CAP2: variants seen among roughly 807,000 people sequenced by gnomAD.
CAP2 encodes the protein adenylyl cyclase-associated protein 2.
Under a neutral mutation model 57.7 loss-of-function variants are expected in CAP2, and 24 were observed. The ratio of observed to expected loss-of-function variants is 0.42; its 90% CI spans 0.30 to 0.58. The LOEUF (loss-of-function observed/expected upper bound fraction) is 0.58. Among genes scored for constraint, CAP2 ranks in the 20% least tolerant of loss-of-function variants. The probability of loss-of-function intolerance (pLI) is 0.22; values close to 1 mark genes in which losing one functional copy is unlikely to be tolerated. For synonymous variants in CAP2, 194 were observed against 207.2 expected, an observed-to-expected ratio of 0.94 and a Z score of 0.55; for missense variants, 501 against 590.3, an observed-to-expected ratio of 0.85 and a Z score of 1.57.
intron 1 of CAP2, among the ~76,000 whole-genome samples, chr6:17,418,395 A>G (rs765302811): frequency 3.3e-4 from 50 of 152,132 alleles, no homozygotes; most frequent in Non-Finnish European, 6.0e-4. Context: ...GTGATTTTAC[A>G]TGGAGTGACA....
In CAP2 at chr6:17,542,956, A is replaced by C. The variant is rs28360582; in HGVS notation, c.1122A>C (p.Ile374=). 7.0e-3 allele frequency: 11,241 copies of C among 1,613,770 alleles called. 657 individuals are homozygous for C. In the African/African-American group the frequency reaches 0.13, roughly 19 times the overall value. The change falls in exon 10 of 13, where the codon ATA becomes ATC. Residue 374 remains isoleucine (I), a synonymous_variant. Coordinates refer to ENST00000229922, the MANE Select transcript of CAP2 (RefSeq NM_006366.3). ...TAAAAGGGAAAGTAAACTCCATTAT[A>C]ATTGGTAGGGCAGAATTATGGCTCT... ...IQIKGKVNSI[I]IDNCKKLGLV...
intron 4 of CAP2, among the ~76,000 whole-genome samples, chr6:17,479,858 G>T (rs9396777): frequency 3.6e-4 from 55 of 151,638 alleles, no homozygotes; most frequent in African/African-American, 1.2e-3. Flanking sequence ...CTCGTGATCC[G>T]CCCACCTCGG....
rs563682418 is a variant in CAP2 at position 17,507,555 on chromosome 6, A to G, written c.445-86A>G. The G allele has an allele frequency of 4.6e-4, 419 of 910,434 alleles. 5 individuals carry two copies. In the South Asian group the frequency reaches 5.5e-3, roughly 12 times the overall value. 56.4% of individuals were successfully genotyped at this position (910,434 alleles called of 1,614,324 possible). The stretch of plus-strand genomic sequence containing the variant: ...CCCACTTTCAAGTCCACGCGTCTCC[A>G]TTGCTTTTCTTCTTCTTTAAGGCAT... On this transcript the variant is annotated intron_variant, in intron 5 of 12. Coordinates refer to ENST00000229922, the MANE Select transcript of CAP2 (RefSeq NM_006366.3).
chr6:17,448,789 A>T (rs956950168), intron 3 of CAP2, among the ~76,000 whole-genome samples: 2 of 151,290 alleles, frequency 1.3e-5, no homozygotes, highest in African/African-American at 2.4e-5. Flanking sequence ...TTTGAGACAA[A>T]GTCACTCTGT....
chr6:17,461,862 G>A (rs1178252561), intron 3 of CAP2, among the ~76,000 whole-genome samples: 4 of 150,322 alleles, frequency 2.7e-5, no homozygotes, highest in East Asian at 2.0e-4. Context: ...GCGTGGTGGC[G>A]GGCGCCTGTA....
In CAP2 at chr6:17,465,513, C is replaced by T. The variant is rs146037543; in HGVS notation, c.300+2440C>T. Reference sequence around the variant, plus strand: ...TTATGATGCCTACCTCCCTTCCTGGCCCTTCTCTCTACTTCCCTTTCCTCT... The same window carrying T: ...TTATGATGCCTACCTCCCTTCCTGGTCCTTCTCTCTACTTCCCTTTCCTCT... On this transcript the variant is annotated intron_variant, in intron 4 of 12. Coordinates refer to ENST00000229922, the MANE Select transcript of CAP2 (RefSeq NM_006366.3). 2.9e-3 allele frequency among the ~76,000 whole-genome samples: 437 copies of T among 152,272 alleles called. 3 individuals are homozygous for T. Among genetic ancestry groups the T allele is most frequent in the African/African-American group, 9.7e-3 (404 of 41,556 alleles).
At position 17,534,706 on chromosome 6, in the gene CAP2, G is replaced by A. The variant is rs544125222; in HGVS notation, c.637-4563G>A. On this transcript the variant is annotated intron_variant, in intron 7 of 12. Transcript: ENST00000229922. ...GGGATTGAGAAGTAGTGGATCACTC[G>A]ATGGGCACCCAAGGCTGCAGGCTCT... Among the ~76,000 whole-genome samples the A allele has an allele frequency of 3.0e-4, 45 of 152,232 alleles. No individual in the cohort carries two copies. In the East Asian group the frequency reaches 3.9e-3, roughly 13 times the overall value.
intron 1 of CAP2, among the ~76,000 whole-genome samples, chr6:17,418,915 G>A (rs756583129): frequency 6.6e-6 from 1 of 151,938 alleles, no homozygotes; most frequent in Non-Finnish European, 1.5e-5. Flanking sequence ...CACAAGCTCT[G>A]ACGTGAAGAG....
chr6:17,446,404 A>G (rs974721915), intron 3 of CAP2, among the ~76,000 whole-genome samples: 2 of 152,220 alleles, frequency 1.3e-5, no homozygotes, highest in Non-Finnish European at 1.5e-5. Flanking sequence ...TTATATGAGT[A>G]TATAGTTATG....
intron 4 of CAP2, among the ~76,000 whole-genome samples, chr6:17,483,861 T>A (rs529780153): frequency 6.6e-6 from 1 of 152,122 alleles, no homozygotes; most frequent in East Asian, 2.0e-4. Context: ...GGAGCACTCA[T>A]GAACTCTGCA....
chr6:17,507,538 C>A, intron 5 of CAP2, 103 bp from the exon 6 acceptor site: 1 of 825,366 alleles, frequency 1.2e-6, no homozygotes, highest in Non-Finnish European at 2.1e-6. Flanking sequence ...CTCCCACTTT[C>A]AAGTCCACGC....
At chr6:17,460,970 A>G (rs1315213345) in intron 3 of CAP2, among the ~76,000 whole-genome samples, 1 of 152,146 alleles carries the variant, frequency 6.6e-6, no homozygotes, top group Admixed American at 6.5e-5. Context: ...CAACATAGCA[A>G]GAACTTACCT....
chr6:17,414,614 A>G (rs191866880), intron 1 of CAP2, among the ~76,000 whole-genome samples: 6 of 152,268 alleles, frequency 3.9e-5, no homozygotes, highest in Admixed American at 2.0e-4. Flanking sequence ...ATAGTATTCC[A>G]TGGTGTATAT....
At chr6:17,451,050 G>A (rs1194521735) in intron 3 of CAP2, among the ~76,000 whole-genome samples, 3 of 152,060 alleles carry the variant, frequency 2.0e-5, no homozygotes, top group African/African-American at 4.8e-5. Context: ...TGTAAATTTA[G>A]ACTCCGTTTT....
intron 4 of CAP2, among the ~76,000 whole-genome samples, chr6:17,465,014 C>A (rs924698204): frequency 6.6e-6 from 1 of 152,128 alleles, no homozygotes; most frequent in Non-Finnish European, 1.5e-5. Context: ...ACAAAAAAGC[C>A]ACTCACTAAA....
intron 3 of CAP2, among the ~76,000 whole-genome samples, chr6:17,442,882 T>C (rs1760130380): frequency 6.6e-6 from 1 of 152,070 alleles, no homozygotes; most frequent in South Asian, 2.1e-4. Context: ...CATGCCAGGC[T>C]AATTTTTCTG....
At chr6:17,435,226 G>T (rs920949663) in intron 3 of CAP2, among the ~76,000 whole-genome samples, 1 of 97,546 alleles carries the variant, frequency 1.0e-5, no homozygotes, top group Non-Finnish European at 2.0e-5. Context: ...AAAGACACAT[G>T]CACACGTATG....
At position 17,540,968 on chromosome 6, in the gene CAP2, C is replaced by T. The variant is rs1334052026; in HGVS notation, c.827-5C>T. 2 of 1,612,968 alleles carry T rather than the reference C, an allele frequency of 1.2e-6. No homozygotes were observed. The highest frequency in any genetic ancestry group is 2.2e-5 in the East Asian group (1 of 44,880). ...TAAATGTGTCCATGTGTGTTGTCCT[C>T]CTAGGGCTCCGCCATGTCACAGATG... On this transcript the variant is annotated splice_polypyrimidine_tract_variant and splice_region_variant and intron_variant, in intron 8 of 12. Transcript: ENST00000229922.
intron 8 of CAP2, 104 bp downstream of exon 8, chr6:17,539,562 G>T (rs1177803937): frequency 4.8e-6 from 4 of 828,562 alleles, no homozygotes; most frequent in Admixed American, 2.7e-5. Flanking sequence ...CTCCATCCCT[G>T]CCTCCAGCAT....
Sources: allele counts gnomAD v4.1 joint callset (sites outside exome capture counted in the v4.1 genomes callset), GRCh38; gene constraint gnomAD v4.1.1; transcripts MANE v1.5; gene names NCBI Gene and HGNC (gene_info 2026-07-23, HGNC 2026-07-21).